Variants in FGF20 observed in about 807,000 individuals in gnomAD.
FGF20 encodes the protein fibroblast growth factor 20.
In FGF20, 8 loss-of-function variants were observed where a neutral mutation model predicts 16.7. The observed-to-expected ratio is 0.48, with a 90% CI of 0.28 to 0.87. The LOEUF is 0.87. Ranked by LOEUF, FGF20 falls within the 40% of genes least tolerant of loss-of-function variation. The pLI, the probability that FGF20 is intolerant of heterozygous loss-of-function variation, is 0.10. For missense variants in FGF20, 397 were observed against 281.4 expected (o/e 1.41, Z -2.94); for synonymous variants, 161 against 118.6 (o/e 1.36, Z -2.32).
Position 16,993,037 on chromosome 8 carries a change from G to C in FGF20, c.*35C>G. The stretch of plus-strand genomic sequence containing the variant: ...GGAACTATGACAAGAAAGAATGGTT[G>C]TGGTTTGACTCTTCCATAATGTCAC... On this transcript the variant is annotated 3_prime_UTR_variant, in exon 3 of 3. Transcript: ENST00000180166. 1 of 1,597,950 alleles carries C rather than the reference G, an allele frequency of 6.3e-7. No homozygotes were observed. The highest frequency in any genetic ancestry group is 8.5e-7 in the Non-Finnish European group (1 of 1,172,240).
chr8:17,000,085 T>A (rs150035229), intron 1 of FGF20, among the ~76,000 whole-genome samples: 140 of 152,218 alleles, frequency 9.2e-4, no homozygotes, highest in African/African-American at 3.1e-3. Flanking sequence ...CTCAGGGCCA[T>A]GCACAGTGGC....
chr8:17,000,956 C>G (rs1047739333), intron 1 of FGF20, among the ~76,000 whole-genome samples: 1 of 152,096 alleles, frequency 6.6e-6, no homozygotes, highest in Non-Finnish European at 1.5e-5. Context: ...TACCAAGATA[C>G]TTGCTTTCAG....
chr8:16,999,462 A>T (rs1328070875), intron 1 of FGF20, among the ~76,000 whole-genome samples: 1 of 151,868 alleles, frequency 6.6e-6, no homozygotes, highest in Non-Finnish European at 1.5e-5. Flanking sequence ...TACACAAAGT[A>T]AAAGAGGCCT....
At chr8:17,001,546 C>G (rs561910773) in intron 1 of FGF20, among the ~76,000 whole-genome samples, 2 of 152,156 alleles carry the variant, frequency 1.3e-5, no homozygotes, top group East Asian at 1.9e-4. Flanking sequence ...CGGCGACAAA[C>G]CAGCAGGAAA....
intron 1 of FGF20, among the ~76,000 whole-genome samples, chr8:16,997,294 C>T (rs10106536): frequency 0.17 from 25,943 of 152,122 alleles, 2,621 homozygotes; most frequent in East Asian, 0.44. Context: ...ATGCTTGGCA[C>T]TGCCTTCCTC....
chr8:16,997,961 A>C (rs1810093270), intron 1 of FGF20, among the ~76,000 whole-genome samples: 1 of 148,334 alleles, frequency 6.7e-6, no homozygotes, highest in Non-Finnish European at 1.5e-5. Flanking sequence ...AATTCCCTTT[A>C]AGTATCTGAT....
In FGF20 at chr8:17,001,957, G is replaced by A; in HGVS notation, c.76C>T (p.Leu26=). The stretch of plus-strand genomic sequence containing the variant: ...GGCCGCTCCCCGGCAGGAGGCAACA[G>A]GAAATGCGAACCCACCTGCTGGCCC... ...GLGQQVGSHF[L]LPPAGERPPL... is the part of the protein sequence containing the mutation. Residue 26 remains leucine, a synonymous_variant, in exon 1 of 3, where the codon CTG becomes TTG. Coordinates refer to ENST00000180166, the MANE Select transcript of FGF20 (RefSeq NM_019851.3). 6.6e-7 allele frequency: 1 copy of A among 1,506,020 alleles called. No homozygotes were observed. The highest frequency in any genetic ancestry group is 8.9e-7 in the Non-Finnish European group (1 of 1,128,468). 93.3% of individuals were successfully genotyped at this position (1,506,020 alleles called of 1,614,324 possible).
intron 1 of FGF20, among the ~76,000 whole-genome samples, chr8:16,999,657 G>A (rs1306670137): frequency 6.7e-6 from 1 of 150,212 alleles, no homozygotes; most frequent in Non-Finnish European, 1.5e-5. Flanking sequence ...AAATAGCTGG[G>A]ATTACAGGTG....
At chr8:16,996,234 T>C (rs1810041672) in intron 1 of FGF20, among the ~76,000 whole-genome samples, 1 of 152,176 alleles carries the variant, frequency 6.6e-6, no homozygotes, top group Non-Finnish European at 1.5e-5. Flanking sequence ...TATGTGTCCA[T>C]GAGCCTAGTC....
chr8:16,994,413 C>T (rs1297779704), intron 2 of FGF20, among the ~76,000 whole-genome samples: 1 of 152,102 alleles, frequency 6.6e-6, no homozygotes, highest in Non-Finnish European at 1.5e-5. Context: ...TGTATATTGT[C>T]CTAAGTGATA....
chr8:16,997,115 A>T (rs1810072226), intron 1 of FGF20, among the ~76,000 whole-genome samples: 1 of 152,212 alleles, frequency 6.6e-6, no homozygotes, highest in Non-Finnish European at 1.5e-5. Flanking sequence ...GTAAACTGGG[A>T]TCAAAAACTC....
At chr8:16,999,433 A>T in intron 1 of FGF20, among the ~76,000 whole-genome samples, 1 of 151,456 alleles carries the variant, frequency 6.6e-6, no homozygotes, top group Admixed American at 6.6e-5. Flanking sequence ...CTCTCCCCAT[A>T]GGGTCAGTCT....
chr8:17,002,181 A>G lies in FGF20; in HGVS notation c.-149T>C. ...TGAGGTCGCTCCGGAGGGACTTTGC[A>G]CTGAAATGGCAGGGAAGCTCTCACT... On this transcript the variant is annotated 5_prime_UTR_variant, in exon 1 of 3. Transcript: ENST00000180166. 1 of 721,924 alleles carries G rather than the reference A, an allele frequency of 1.4e-6. No individual in the cohort carries two copies. The highest frequency in any genetic ancestry group is 2.0e-6 in the Non-Finnish European group (1 of 495,996). 44.7% of individuals were successfully genotyped at this position (721,924 alleles called of 1,614,324 possible).
intron 2 of FGF20, among the ~76,000 whole-genome samples, chr8:16,994,412 T>C (rs556495688): frequency 1.1e-4 from 17 of 152,364 alleles, no homozygotes; most frequent in African/African-American, 3.8e-4. Flanking sequence ...CTGTATATTG[T>C]CCTAAGTGAT....
intron 1 of FGF20, among the ~76,000 whole-genome samples, chr8:16,998,590 G>A (rs1413989118): frequency 6.6e-6 from 1 of 152,092 alleles, no homozygotes; most frequent in African/African-American, 2.4e-5. Flanking sequence ...CCCATAAAAA[G>A]ACTTGGAGGT....
At chr8:16,998,374 T>G (rs2150435764) in intron 1 of FGF20, among the ~76,000 whole-genome samples, 1 of 152,348 alleles carries the variant, frequency 6.6e-6, no homozygotes, top group South Asian at 2.1e-4. Context: ...AGTCACACTT[T>G]TAAATTCTGA....
intron 1 of FGF20, among the ~76,000 whole-genome samples, chr8:17,000,642 T>C (rs1364830755): frequency 6.6e-6 from 1 of 152,048 alleles, no homozygotes; most frequent in Non-Finnish European, 1.5e-5. Context: ...ACTAATAGAA[T>C]GGAAACTTCA....
chr8:16,994,403 T>C (rs1051044077), intron 2 of FGF20, among the ~76,000 whole-genome samples: 2 of 152,382 alleles, frequency 1.3e-5, no homozygotes, highest in African/African-American at 4.8e-5. Flanking sequence ...CAAAATGGAC[T>C]GTATATTGTC....
intron 1 of FGF20, among the ~76,000 whole-genome samples, chr8:17,000,451 C>G (rs1303714398): frequency 7.0e-6 from 1 of 143,124 alleles, no homozygotes; most frequent in African/African-American, 2.5e-5. Context: ...ATTATAAGAA[C>G]AAGGGGGTAA....
Sources: allele counts gnomAD v4.1 joint callset (sites outside exome capture counted in the v4.1 genomes callset), GRCh38; gene constraint gnomAD v4.1.1; transcripts MANE v1.5; gene names NCBI Gene and HGNC (gene_info 2026-07-23, HGNC 2026-07-21).